SH2B1: variants seen among roughly 807,000 people sequenced by gnomAD.
SH2B1 encodes SH2B adaptor protein 1, also known as SH2B adapter protein 1.
In SH2B1, 15 loss-of-function variants were observed where a neutral mutation model predicts 62.6. The ratio of observed to expected loss-of-function variants is 0.24; its 90% CI spans 0.16 to 0.37. The LOEUF is 0.37. SH2B1 is among the 10% of genes least tolerant of loss of function. The probability of loss-of-function intolerance (pLI) is 1.00; values close to 1 mark genes in which losing one functional copy is unlikely to be tolerated. For synonymous variants in SH2B1, 443 were observed against 438.0 expected (o/e 1.01, Z -0.14); for missense variants, 925 against 1,015.6 (o/e 0.91, Z 1.21).
At position 28,873,173 on chromosome 16, in the gene SH2B1, G is replaced by T; in HGVS notation, c.1898-274G>T. ...CCCACGTTGCCCCTCCCCCCAGGCC[G>T]GGAGCAGGCTGGGAGCCATGCGGGG... On this transcript the variant is annotated intron_variant, in intron 7 of 7. Coordinates refer to ENST00000684370, the MANE Select transcript of SH2B1 (RefSeq NM_001387430.1). This position sits in a 1 kb window ranked among gnomAD's most constrained non-coding sequence, Gnocchi z 4.2. 6.4e-7 allele frequency: 1 copy of T among 1,563,876 alleles called. No individual in the cohort carries two copies. Among genetic ancestry groups the T allele is most frequent in the East Asian group, 2.3e-5 (1 of 43,718 alleles).
rs1298934848 is a variant in SH2B1, at chr16:28,852,885, T to C, written c.-301+6058T>C. On this transcript the variant is annotated intron_variant, in intron 1 of 10. Coordinates refer to the SH2B1 transcript ENST00000322610. ...ATATTTACATATATATTTTTATATA[T>C]ATTTACATATATTTTTATATATACA... Among the ~76,000 whole-genome samples, 82 of 98,030 alleles carry C rather than the reference T, an allele frequency of 8.4e-4. 15 individuals carry two copies. Among genetic ancestry groups the C allele is most frequent in the Non-Finnish European group, 1.2e-3 (71 of 57,930 alleles). The allele number at this position is 98,030 out of a possible 152,430, so 64.3% of individuals were successfully genotyped here.
rs186532476 is a variant in SH2B1 at position 28,873,676 on chromosome 16, C to T, written c.2127C>T (p.Ala709=). The T allele has an allele frequency of 3.9e-6, 6 of 1,523,820 alleles. No individual in the cohort carries two copies. Among genetic ancestry groups the T allele is most frequent in the Non-Finnish European group, 5.3e-6 (6 of 1,133,212 alleles). The allele number at this position is 1,523,820 out of a possible 1,614,324, so 94.4% of individuals were successfully genotyped here. The change falls in exon 8 of 8, where the codon GCC becomes GCT. Residue 709 remains alanine, a synonymous_variant. Coordinates refer to ENST00000684370, the MANE Select transcript of SH2B1 (RefSeq NM_001387430.1). The surrounding 1 kb of genome is among the most constrained non-coding windows in gnomAD (Gnocchi z 4.2). ...VPVVELEEAI[A]PGSEAQGAGS... is the part of the protein sequence containing the mutation. Reference sequence around the variant, plus strand: ...TGGTTGAATTGGAAGAGGCCATAGCCCCAGGCTCAGAGGCCCAGGGCGCTG... The same window carrying T: ...TGGTTGAATTGGAAGAGGCCATAGCTCCAGGCTCAGAGGCCCAGGGCGCTG...
rs1356116299 is a variant in SH2B1 at position 28,866,801 on chromosome 16, G to C, written c.707G>C (p.Gly236Ala). 1 of 1,583,508 alleles carries C rather than the reference G, an allele frequency of 6.3e-7. No individual in the cohort carries two copies. The highest frequency in any genetic ancestry group is 1.8e-5 in the Admixed American group (1 of 56,370). ...HRFERLRLSR[G>A]GGALKDGAGM... The stretch of plus-strand genomic sequence containing the variant: ...TTTGAGAGGCTGAGACTCAGTCGGG[G>C]AGGGGGCGCCTTGAAGGATGGAGCA... Residue 236 changes from glycine (G) to alanine (A), a missense_variant, in exon 1 of 8, where the codon GGA becomes GCA. Gly to Ala is a moderately conservative substitution (Grantham distance 60, BLOSUM62 0). Around this residue, in one of 3 missense-constraint regions of SH2B1, gnomAD observed 683 missense variants for 704.0 expected, o/e 0.97. Transcript: ENST00000684370. The surrounding 1 kb of genome is among the most constrained non-coding windows in gnomAD (Gnocchi z 6.3).
chr16:28,850,282 G>C (rs1006022924), intron 1 of SH2B1, among the ~76,000 whole-genome samples: 11 of 152,184 alleles, frequency 7.2e-5, no homozygotes, highest in Admixed American at 4.6e-4. Context: ...TACATGCCAG[G>C]ATATCAACTC....
chr16:28,865,151 C>G lies in SH2B1; in HGVS notation c.-944C>G. On this transcript the variant is annotated 5_prime_UTR_variant, in exon 1 of 8. Transcript: ENST00000684370. ...GGTGAAAAATCCTAGGGCCCCAGCT[C>G]TCCCTGTGATGTTTTGTTTACGTGA... 1.0e-6 allele frequency: 1 copy of G among 985,642 alleles called. No individual in the cohort carries two copies. The highest frequency in any genetic ancestry group is 1.2e-6 in the Non-Finnish European group (1 of 829,986). 61.1% of individuals were successfully genotyped at this position (985,642 alleles called of 1,614,324 possible).
chr16:28,852,372 ATT>A lies in SH2B1; in HGVS notation c.-301+5547_-301+5548del, dbSNP rs1372585417. 1.1e-3 allele frequency among the ~76,000 whole-genome samples: 90 copies of A among 82,654 alleles called. 12 individuals carry two copies. Among genetic ancestry groups the A allele is most frequent in the Non-Finnish European group, 1.3e-3 (66 of 50,916 alleles). 54.2% of individuals were successfully genotyped at this position (82,654 alleles called of 152,430 possible). A position where few individuals can be genotyped will look rare whatever the true frequency, so the allele number is the denominator to read the frequency against. On this transcript the variant is annotated intron_variant, in intron 1 of 10. Transcript: ENST00000322610. ...TATATTTATATATATATTTATATAT[ATT>A]TACATATATTTATATATATACATAT... is the stretch of plus-strand genomic sequence containing the variant.
Position 28,864,013 on chromosome 16 carries a change from C to A in SH2B1, c.-2082C>A, listed in dbSNP as rs1313089090. On this transcript the variant is annotated 5_prime_UTR_variant, in exon 1 of 8. Transcript: ENST00000684370. The stretch of plus-strand genomic sequence containing the variant: ...CTCTCCGCGACCCGGCCCTGGCGCC[C>A]GAGAGGATTCCTGGGTGGGGGTGGG... 7.4e-7 allele frequency: 1 copy of A among 1,354,614 alleles called. No individual in the cohort carries two copies. Among genetic ancestry groups the A allele is most frequent in the Non-Finnish European group, 9.5e-7 (1 of 1,050,414 alleles). The allele number at this position is 1,354,614 out of a possible 1,614,324, so 83.9% of individuals were successfully genotyped here. A position where few individuals can be genotyped will look rare whatever the true frequency, so the allele number is the denominator to read the frequency against.
At chr16:28,855,898 G>A (rs144275972) in intron 1 of SH2B1, among the ~76,000 whole-genome samples, 4,141 of 139,462 alleles carry the variant, frequency 0.03, 100 homozygotes, top group Non-Finnish European at 0.047. Context: ...CTCGTGATCC[G>A]CCGACCTCGT....
chr16:28,853,924 C>G (rs1167545451), intron 1 of SH2B1, among the ~76,000 whole-genome samples: 5 of 145,098 alleles, frequency 3.4e-5, no homozygotes, highest in African/African-American at 1.3e-4. Context: ...TGGCGTAAAA[C>G]CCGGGAGGTG....
At chr16:28,871,589 TCCCTCAGCAGC>T (rs1963038944) in intron 4 of SH2B1, among the ~76,000 whole-genome samples, 180 bp from the exon 5 acceptor site, 1 of 152,182 alleles carries the variant, frequency 6.6e-6, no homozygotes, top group Non-Finnish European at 1.5e-5. Flanking sequence ...AACTCTGCAG[TCCCTCAGCAGC>T]GCAGGAAGCA....
chr16:28,853,402 A>C (rs1263372375), intron 1 of SH2B1, among the ~76,000 whole-genome samples: 1 of 149,726 alleles, frequency 6.7e-6, no homozygotes, highest in Non-Finnish European at 1.5e-5. Context: ...ACGAGGTTTC[A>C]CCATTCTGGC....
intron 1 of SH2B1, among the ~76,000 whole-genome samples, chr16:28,850,918 T>TA (rs1962083541): frequency 6.7e-6 from 1 of 149,786 alleles, no homozygotes; most frequent in Non-Finnish European, 1.5e-5. Flanking sequence ...CTCATGCCTG[T>TA]AATCCCAGCA....
chr16:28,870,173 C>G (rs1415107384), intron 4 of SH2B1, among the ~76,000 whole-genome samples: 2 of 152,264 alleles, frequency 1.3e-5, no homozygotes, highest in Non-Finnish European at 2.9e-5. Context: ...TGCTGTTGGA[C>G]AGACTTGGAG....
intron 2 of SH2B1, 146 bp from the exon 3 acceptor site, chr16:28,868,860 A>G (rs1962876804): frequency 1.5e-6 from 1 of 679,380 alleles, no homozygotes; most frequent in Admixed American, 2.2e-5. Context: ...TGCTGGGATT[A>G]CAGGTGTGAG....
intron 2 of SH2B1, among the ~76,000 whole-genome samples, chr16:28,868,171 G>T (rs528636022): frequency 6.7e-6 from 1 of 149,676 alleles, no homozygotes; most frequent in African/African-American, 2.5e-5. Flanking sequence ...ACAGAGTCTC[G>T]CTCTGTCGCC....
upstream of SH2B1, among the ~76,000 whole-genome samples, chr16:28,858,973 G>GT (rs892536393): frequency 7.3e-5 from 11 of 151,178 alleles, no homozygotes; most frequent in South Asian, 4.2e-4. Flanking sequence ...CATTTATTTG[G>GT]TTTTTTTTAG....
chr16:28,862,298 ATTG>A (rs1567463473), upstream of SH2B1: 2 of 151,914 alleles, frequency 1.3e-5, no homozygotes, highest in African/African-American at 2.4e-5. Context: ...CATTATTATT[ATTG>A]TTATTATTTT....
At chr16:28,867,832 T>A (rs1962807828) in intron 2 of SH2B1, among the ~76,000 whole-genome samples, 1 of 152,194 alleles carries the variant, frequency 6.6e-6, no homozygotes, top group Admixed American at 6.5e-5. Flanking sequence ...CTAATTTTGT[T>A]ACTTACTTAC....
intron 1 of SH2B1, among the ~76,000 whole-genome samples, chr16:28,847,911 C>T (rs1372889230): frequency 6.6e-6 from 1 of 150,516 alleles, no homozygotes; most frequent in Non-Finnish European, 1.5e-5. Flanking sequence ...CTGCAACCTC[C>T]ACCTCCTGGG....
Sources: gnomAD v4.1 joint callset for allele counts (sites outside exome capture counted in the v4.1 genomes callset) on GRCh38, gnomAD v4.1.1 for gene constraint, gnomAD v4.1.1 regional missense constraint, Gnocchi (gnomAD v3.1) non-coding constraint, MANE v1.5 for transcripts, NCBI Gene and HGNC (gene_info 2026-07-23, HGNC 2026-07-21) for gene names.